The following SCN11A variants were observed in gnomAD, a reference collection of about 807,000 sequenced individuals.
The protein encoded by SCN11A is sodium voltage-gated channel alpha subunit 11.
Under a neutral mutation model 162.2 loss-of-function variants are expected in SCN11A, and 122 were observed. That is an observed-to-expected ratio of 0.75 (90% CI 0.65 to 0.87). SCN11A has a LOEUF of 0.87. Ranked by LOEUF, SCN11A falls within the 40% of genes least tolerant of loss-of-function variation. The pLI, the probability that SCN11A is intolerant of heterozygous loss-of-function variation, is 0.00. For missense variants in SCN11A, 2,015 were observed against 2,181.6 expected, an observed-to-expected ratio of 0.92 and a Z score of 1.52; for synonymous variants, 758 against 751.5, an observed-to-expected ratio of 1.01 and a Z score of -0.14.
intron 19 of SCN11A, among the ~76,000 whole-genome samples, chr3:38,890,527 G>C (rs1226919144): frequency 6.6e-6 from 1 of 152,246 alleles, no homozygotes. Context: ...GATGGCTAAG[G>C]AGAGTCCCCC....
chr3:38,886,115 G>C lies in SCN11A; in HGVS notation c.2949+10C>G. ...CACAAGTTCCTCTGACAACATCCTA[G>C]GAAAATTACCTTTCGGGGATCCTGT... On this transcript the variant is annotated intron_variant, in intron 20 of 29. Transcript: ENST00000302328. The C allele has an allele frequency of 1.3e-6, 2 of 1,582,858 alleles. No homozygotes were observed. Among genetic ancestry groups the C allele is most frequent in the Admixed American group, 1.7e-5 (1 of 59,864 alleles).
chr3:38,971,066 CGTAA>C (rs1168622206), intron 2 of SCN11A, among the ~76,000 whole-genome samples: 2 of 152,168 alleles, frequency 1.3e-5, no homozygotes, highest in African/African-American at 2.4e-5. Context: ...AATCCAGAGA[CGTAA>C]GTGTCTGATG....
At chr3:38,886,486 C>T (rs189485450) in intron 19 of SCN11A, among the ~76,000 whole-genome samples, 177 of 152,198 alleles carry the variant, frequency 1.2e-3, no homozygotes, top group African/African-American at 4.0e-3. Flanking sequence ...GGTTCTGGTA[C>T]AAAACTCCGC....
intron 7 of SCN11A, among the ~76,000 whole-genome samples, chr3:38,940,039 A>C (rs529930100): frequency 6.9e-6 from 1 of 144,710 alleles, no homozygotes; most frequent in African/African-American, 2.5e-5. Context: ...ATTGATATGT[A>C]TAATACTGAT....
intron 2 of SCN11A, among the ~76,000 whole-genome samples, chr3:38,964,821 C>A (rs983246081): frequency 2.6e-5 from 4 of 152,180 alleles, no homozygotes; most frequent in Non-Finnish European, 5.9e-5. Context: ...GGAGTTCAAA[C>A]CTAAATTTGT....
intron 2 of SCN11A, among the ~76,000 whole-genome samples, chr3:39,019,699 T>C (rs2031394482): frequency 6.6e-6 from 1 of 152,350 alleles, no homozygotes; most frequent in East Asian, 1.9e-4. Context: ...ACTTCCATTT[T>C]CCAAAGCTTA....
At position 38,926,781 on chromosome 3, in the gene SCN11A, A is replaced by G. The variant is rs1384549132; in HGVS notation, c.617+22T>C. The G allele has an allele frequency of 3.1e-6, 5 of 1,609,868 alleles. No homozygotes were observed. In the Admixed American group the frequency reaches 8.4e-5, roughly 27 times the overall value. ...TTCTTTCCCACTCCAAGTCTCTTCAAAAACATCTTTAATATTCTTACGCTA... is the reference window on the plus strand; with the variant it reads ...TTCTTTCCCACTCCAAGTCTCTTCAGAAACATCTTTAATATTCTTACGCTA... On this transcript the variant is annotated intron_variant, in intron 8 of 29. Transcript: ENST00000302328.
chr3:39,020,756 T>C (rs2031428779), intron 2 of SCN11A, among the ~76,000 whole-genome samples: 1 of 152,232 alleles, frequency 6.6e-6, no homozygotes, highest in Non-Finnish European at 1.5e-5. Context: ...ATCTGCTTTC[T>C]GTAGGAACAC....
rs760850989 is a variant in SCN11A, at chr3:38,886,216, T to A, written c.2858A>T (p.Asn953Ile). 6.2e-7 allele frequency: 1 copy of A among 1,612,568 alleles called. No individual in the cohort carries two copies. Among genetic ancestry groups the A allele is most frequent in the Non-Finnish European group, 8.5e-7 (1 of 1,179,616 alleles). ...AACTCTCTGGCTCGTGGGCTTCTTG[T>A]TCTCCTGATGGAGCTCATAGGCCTA... The part of the protein sequence containing the change: ...EQQAYELHQE[N>I]KKPTSQRVQS... Residue 953 changes from asparagine (N) to isoleucine (I), a missense_variant, in exon 20 of 30, where the codon AAC (asparagine) becomes ATC (isoleucine). Asn to Ile is a moderately radical substitution (Grantham distance 149). Coordinates refer to ENST00000302328, the MANE Select transcript of SCN11A (RefSeq NM_001349253.2).
rs1366943401 is a variant in SCN11A at position 38,921,066 on chromosome 3, G to T, written c.892+10C>A. 6.2e-7 allele frequency: 1 copy of T among 1,612,450 alleles called. No homozygotes were observed. The highest frequency in any genetic ancestry group is 1.7e-5 in the Admixed American group (1 of 59,978). On this transcript the variant is annotated intron_variant, in intron 10 of 29. Transcript: ENST00000302328. ...AAAACCAAGGAGTGAAAGAAAGGTT[G>T]GGTATTTACCATAAGCTTCCGGGTT...
At chr3:39,050,642 T>TA (rs1478113409) in intron 1 of SCN11A, among the ~76,000 whole-genome samples, 3 of 152,254 alleles carry the variant, frequency 2.0e-5, no homozygotes, top group African/African-American at 7.2e-5. Flanking sequence ...ACTTATATAC[T>TA]AGCACTATGC....
chr3:38,991,009 G>A (rs2030435614), intron 2 of SCN11A, among the ~76,000 whole-genome samples: 1 of 151,952 alleles, frequency 6.6e-6, no homozygotes. Context: ...CGTCTCCTGG[G>A]GGAAAAAATA....
chr3:39,044,083 G>T (rs894239049), intron 1 of SCN11A, among the ~76,000 whole-genome samples: 1 of 151,988 alleles, frequency 6.6e-6, no homozygotes, highest in African/African-American at 2.4e-5. Context: ...TTAAGTCAAA[G>T]ACTGTAAAAA....
At chr3:38,879,697 A>G (rs1401571702) in intron 23 of SCN11A, among the ~76,000 whole-genome samples, 1 of 152,224 alleles carries the variant, frequency 6.6e-6, no homozygotes, top group African/African-American at 2.4e-5. Flanking sequence ...AGAGAAGTGA[A>G]TGAATCCCAT....
intron 2 of SCN11A, among the ~76,000 whole-genome samples, chr3:39,015,980 G>A (rs776980073): frequency 1.3e-5 from 2 of 152,030 alleles, no homozygotes; most frequent in Admixed American, 6.5e-5. Context: ...CAAGTGATCC[G>A]CCAAACTCAG....
At chr3:38,849,908 T>G (rs2064746607) in intron 29 of SCN11A, 1 of 152,372 alleles carries the variant, frequency 6.6e-6, no homozygotes, top group Non-Finnish European at 1.5e-5. Flanking sequence ...GTGGTTTAAG[T>G]TAACATGGGA....
intron 7 of SCN11A, 55 bp downstream of exon 7, chr3:38,945,356 C>A: frequency 8.9e-7 from 1 of 1,120,270 alleles, no homozygotes; most frequent in South Asian, 1.3e-5. Context: ...CATTAACTGT[C>A]TTAGGTATAT....
chr3:38,963,106 G>A (rs1357952750), intron 2 of SCN11A, among the ~76,000 whole-genome samples: 1 of 150,934 alleles, frequency 6.6e-6, no homozygotes, highest in Non-Finnish European at 1.5e-5. Context: ...TGGTGGGAAT[G>A]TAAACTAGTA....
In SCN11A at chr3:38,955,028, G is replaced by T. The variant is rs773031435; in HGVS notation, c.-138-1269C>A. ...AAGAAAAGTAACATTGAGGCCAGGT[G>T]CAGTGGCTTACACCCACTGGGAGGC... is the stretch of plus-strand genomic sequence containing the variant. On this transcript the variant is annotated intron_variant, in intron 3 of 29. Coordinates refer to ENST00000302328, the MANE Select transcript of SCN11A (RefSeq NM_001349253.2). 2.9e-4 allele frequency among the ~76,000 whole-genome samples: 44 copies of T among 151,960 alleles called. 1 individual carries two copies. The highest frequency in any genetic ancestry group is 3.5e-4 in the Non-Finnish European group (24 of 67,960).
Sources: allele counts gnomAD v4.1 joint callset (sites outside exome capture counted in the v4.1 genomes callset), GRCh38; gene constraint gnomAD v4.1.1; transcripts MANE v1.5; gene names NCBI Gene and HGNC (gene_info 2026-07-23, HGNC 2026-07-21).